POLG: variants seen among roughly 807,000 people sequenced by gnomAD.
POLG encodes the protein DNA polymerase gamma, catalytic subunit, also known as DNA polymerase subunit gamma-1.
A neutral mutation model predicts 155.4 loss-of-function variants in POLG; 110 were observed. The observed-to-expected ratio is 0.71, with a 90% CI of 0.61 to 0.83. The LOEUF (loss-of-function observed/expected upper bound fraction) is 0.83. POLG is among the 40% of genes least tolerant of loss of function. The pLI is 0.00. For synonymous variants in POLG, 701 were observed against 631.5 expected (o/e 1.11, Z -1.65); for missense variants, 1,685 against 1,627.5 (o/e 1.04, Z -0.61).
intron 6 of POLG, 84 bp downstream of exon 6, chr15:89,328,372 A>G (rs1035566062): frequency 5.6e-6 from 6 of 1,068,030 alleles, no homozygotes; most frequent in South Asian, 5.3e-5. Flanking sequence ...AACCTGAGAT[A>G]GAACCAGCGC....
rs1174759182 is a variant in POLG at position 89,321,736 on chromosome 15, C to T, written c.2598G>A (p.Arg866=). 1.2e-6 allele frequency: 2 copies of T among 1,607,936 alleles called. No homozygotes were observed. The highest frequency in any genetic ancestry group is 1.7e-6 in the Non-Finnish European group (2 of 1,174,676). Residue 866 remains arginine, a splice_region_variant and synonymous_variant, in exon 16 of 23, where the codon CGG becomes CGA. Transcript: ENST00000268124. ...EPTWLTASNA[R]PDRVGSELKA... is the part of the protein sequence containing the mutation. ...GGCCAGAGGTACAGAGGTCACATAC[C>T]CGGGCATTGCTGGCGGTGAGCCATG...
chr15:89,327,049 G>A lies in POLG; in HGVS notation c.1448C>T (p.Pro483Leu), dbSNP rs767900699. 3 of 1,614,094 alleles carry A rather than the reference G, an allele frequency of 1.9e-6. No individual in the cohort carries two copies. The highest frequency in any genetic ancestry group is 1.3e-5 in the African/African-American group (1 of 74,926). ...LLSGERYKED[P>L]WLWDLEWDLQ... ...GTCCCACTCCAGGTCCCAGAGCCAG[G>A]GGTCTTCTTTGTACCTACAGAGCCA... Residue 483 changes from proline to leucine, a missense_variant, in exon 8 of 23, where the codon CCC (proline) becomes CTC (leucine). By Grantham distance (98) the Pro-to-Leu change is moderately conservative. This residue lies in a region of POLG where 1,210 missense variants were observed against 1,167.1 expected (regional missense o/e 1.04). Coordinates refer to ENST00000268124, the MANE Select transcript of POLG (RefSeq NM_002693.3).
intron 5 of POLG, 29 bp downstream of exon 5, chr15:89,328,656 T>C (rs1231885959): frequency 5.6e-6 from 9 of 1,613,566 alleles, no homozygotes; most frequent in Non-Finnish European, 6.8e-6. Flanking sequence ...CCACAGCCCA[T>C]GTCCCCAGAG....
chr15:89,325,237 AGT>A lies in POLG; in HGVS notation c.1949+211_1949+212del, dbSNP rs1293123067. Among the ~76,000 whole-genome samples, 16 of 106,016 alleles carry A rather than the reference AGT, an allele frequency of 1.5e-4. 3 individuals carry two copies. Among genetic ancestry groups the A allele is most frequent in the Admixed American group, 2.6e-4 (3 of 11,598 alleles). The allele number at this position is 106,016 out of a possible 152,430, so 69.6% of individuals were successfully genotyped here. A position where few individuals can be genotyped will look rare whatever the true frequency, so the allele number is the denominator to read the frequency against. On this transcript the variant is annotated intron_variant, in intron 10 of 22. Transcript: ENST00000268124. ...GAGTGAGTGAGAGAGTGAGTGAGAG[AGT>A]GAGTGAGTGAGAGAGAGAGTGAGTG...
chr15:89,318,404 G>T (rs1015166371), intron 21 of POLG, 137 bp downstream of exon 21: 21 of 685,566 alleles, frequency 3.1e-5, no homozygotes, highest in Admixed American at 1.1e-4. Flanking sequence ...TTAAAAATTA[G>T]AAATAAATAA....
Position 89,316,658 on chromosome 15 carries a change from T to C in POLG, c.*93A>G. On this transcript the variant is annotated 3_prime_UTR_variant, in exon 23 of 23. Coordinates refer to ENST00000268124, the MANE Select transcript of POLG (RefSeq NM_002693.3). ...AAAATGGCTGGCCTTAGGCAAGCCC[T>C]TTTGCAAAAAGCACAGCTGAAAGCC... 8.0e-7 allele frequency: 1 copy of C among 1,244,410 alleles called. No homozygotes were observed. Among genetic ancestry groups the C allele is most frequent in the Non-Finnish European group, 1.2e-6 (1 of 846,822 alleles). The allele number at this position is 1,244,410 out of a possible 1,614,324, so 77.1% of individuals were successfully genotyped here.
chr15:89,325,560 G>C lies in POLG; in HGVS notation c.1839C>G (p.His613Gln), dbSNP rs2055504674. Residue 613 changes from histidine to glutamine, a missense_variant, in exon 10 of 23, where the codon CAC (histidine) becomes CAG (glutamine). His to Gln is a conservative substitution (Grantham distance 24). Coordinates refer to ENST00000268124, the MANE Select transcript of POLG (RefSeq NM_002693.3). ...AGCCCCAGCCATGACGCTCTGAGTA[G>C]TGCAGAGGGAAGCCATCCCAGGTAA... is the stretch of plus-strand genomic sequence containing the variant. ...MALTWDGFPL[H>Q]YSERHGWGYL... 3 of 1,613,672 alleles carry C rather than the reference G, an allele frequency of 1.9e-6. No homozygotes were observed. The highest frequency in any genetic ancestry group is 3.3e-5 in the Admixed American group (2 of 60,032).
chr15:89,321,805 T>A lies in POLG; in HGVS notation c.2529A>T (p.Gln843His). 6.2e-7 allele frequency: 1 copy of A among 1,614,136 alleles called. No individual in the cohort carries two copies. Among genetic ancestry groups the A allele is most frequent in the South Asian group, 1.1e-5 (1 of 91,078 alleles). Residue 843 changes from glutamine (Q) to histidine (H), a missense_variant, in exon 16 of 23, where the codon CAA becomes CAT. Physicochemically the swap from Gln to His is conservative, Grantham distance 24. Coordinates refer to ENST00000268124, the MANE Select transcript of POLG (RefSeq NM_002693.3). Reference protein sequence around the residue: ...EEGLYGAILPQVVTAGTITRR... With the variant: ...EEGLYGAILPHVVTAGTITRR... Reference sequence around the variant, plus strand: ...GAGTGATGGTGCCGGCAGTCACCACTTGGGGCAGGATGGCCCCATAGAGGC... The same window carrying A: ...GAGTGATGGTGCCGGCAGTCACCACATGGGGCAGGATGGCCCCATAGAGGC...
chr15:89,323,032 G>C, intron 13 of POLG, 130 bp from the exon 14 acceptor site: 1 of 932,396 alleles, frequency 1.1e-6, no homozygotes, highest in Non-Finnish European at 1.6e-6. Context: ...ATCCCTGATT[G>C]TATCACGCAC....
Position 89,326,703 on chromosome 15 carries a change from G to C in POLG, c.1621C>G (p.Gln541Glu), listed in dbSNP as rs2055523444. 3 of 1,614,154 alleles carry C rather than the reference G, an allele frequency of 1.9e-6. No individual in the cohort carries two copies. The East Asian group carries it at 6.7e-5, about 36-fold the overall frequency. ...AAGCAGGCGCGGGCCATGACATCTTGTTGAAACTCCTCCTCCTCACTGCAG... is the reference window on the plus strand; with the variant it reads ...AAGCAGGCGCGGGCCATGACATCTTCTTGAAACTCCTCCTCCTCACTGCAG... Reference protein sequence around the residue: ...GPCSEEEEFQQDVMARACLQK... With the variant: ...GPCSEEEEFQEDVMARACLQK... Residue 541 changes from glutamine (Q) to glutamate (E), a missense_variant, in exon 9 of 23, where the codon CAA becomes GAA. Gln to Glu is a conservative substitution (Grantham distance 29). Coordinates refer to ENST00000268124, the MANE Select transcript of POLG (RefSeq NM_002693.3).
Position 89,316,651 on chromosome 15 carries a change from C to CA in POLG, c.*99dup. 8.3e-7 allele frequency: 1 copy of CA among 1,210,186 alleles called. No individual in the cohort carries two copies. Among genetic ancestry groups the CA allele is most frequent in the East Asian group, 2.3e-5 (1 of 42,982 alleles). 75.0% of individuals were successfully genotyped at this position (1,210,186 alleles called of 1,614,324 possible). On this transcript the variant is annotated 3_prime_UTR_variant, in exon 23 of 23. Transcript: ENST00000268124. ...CTACTGAAAAATGGCTGGCCTTAGG[C>CA]AAGCCCTTTTGCAAAAAGCACAGCT...
chr15:89,333,379 G>T lies in POLG; in HGVS notation c.376C>A (p.Arg126Ser). Residue 126 changes from arginine to serine, a missense_variant, in exon 2 of 23, where the codon CGC becomes AGC. Physicochemically the swap from Arg to Ser is moderately radical, Grantham distance 110. This residue lies in a region of POLG where 1,210 missense variants were observed against 1,167.1 expected (regional missense o/e 1.04). Coordinates refer to ENST00000268124, the MANE Select transcript of POLG (RefSeq NM_002693.3). Reference protein sequence around the residue: ...PAVPLPDVELRLPPLYGDNLD... With the variant: ...PAVPLPDVELSLPPLYGDNLD... ...TTGTCCCCGTAGAGGGGCGGCAGGC[G>T]CAGCTCCACGTCGGGCAAGGGCACG... is the stretch of plus-strand genomic sequence containing the variant. 1 of 1,581,500 alleles carries T rather than the reference G, an allele frequency of 6.3e-7. No homozygotes were observed. Among genetic ancestry groups the T allele is most frequent in the Non-Finnish European group, 8.6e-7 (1 of 1,167,050 alleles).
intron 10 of POLG, among the ~76,000 whole-genome samples, chr15:89,325,109 A>AGT (rs2055469905): frequency 2.5e-5 from 1 of 40,786 alleles, no homozygotes; most frequent in African/African-American, 1.5e-4. Flanking sequence ...AGAGAGTGAG[A>AGT]GAGAGTGAGT....
intron 20 of POLG, 69 bp downstream of exon 20, chr15:89,318,861 AG>A (rs2055349047): frequency 6.3e-7 from 1 of 1,580,942 alleles, no homozygotes; most frequent in African/African-American, 1.3e-5. Flanking sequence ...AACATTGGTA[AG>A]GTCCACAGGG....
In POLG at chr15:89,330,102, G is replaced by A. The variant is rs755989937; in HGVS notation, c.834C>T (p.Ile278=). The change falls in exon 3 of 23, where the codon ATC becomes ATT. Residue 278 remains isoleucine, a synonymous_variant. Transcript: ENST00000268124. The part of the protein sequence containing the change: ...GHNVSFDRAH[I]REQYLIQGSR... ...TTACCTGGATCAGGTACTGCTCCCT[G>A]ATATGAGCTCGGTCAAAGGAAACAT... 1 of 1,614,112 alleles carries A rather than the reference G, an allele frequency of 6.2e-7. No individual in the cohort carries two copies. The highest frequency in any genetic ancestry group is 2.2e-5 in the East Asian group (1 of 44,888).
chr15:89,324,253 A>C (rs1324725311), intron 10 of POLG, 26 bp from the exon 11 acceptor site: 1 of 1,609,492 alleles, frequency 6.2e-7, no homozygotes, highest in African/African-American at 1.3e-5. Context: ...TAGCAGCAGC[A>C]GCCGCTGATT....
chr15:89,333,239 C>T lies in POLG; in HGVS notation c.516G>A (p.Ala172=), dbSNP rs1028326668. The part of the protein sequence containing the change: ...LPPKPPAWAW[A]EGWTRYGPEG... ...CGGGGCCGTACCGGGTCCAGCCCTCCGCCCAGGCCCAAGCCGGGGGCTTCG... is the reference window on the plus strand; with the variant it reads ...CGGGGCCGTACCGGGTCCAGCCCTCTGCCCAGGCCCAAGCCGGGGGCTTCG... The change falls in exon 2 of 23, where the codon GCG becomes GCA. Residue 172 remains alanine (A), a synonymous_variant. Transcript: ENST00000268124. 9 of 1,576,690 alleles carry T rather than the reference C, an allele frequency of 5.7e-6. No homozygotes were observed. The highest frequency in any genetic ancestry group is 2.3e-5 in the East Asian group (1 of 43,474).
intron 21 of POLG, chr15:89,318,001 G>A: frequency 3.3e-6 from 1 of 299,398 alleles, no homozygotes; most frequent in Non-Finnish European, 6.5e-6. Flanking sequence ...ACATGGAACG[G>A]TAATATTTAA....
At chr15:89,323,244 A>G (rs1014803328) in intron 13 of POLG, among the ~76,000 whole-genome samples, 160 bp downstream of exon 13, 2 of 152,222 alleles carry the variant, frequency 1.3e-5, no homozygotes, top group African/African-American at 4.8e-5. Flanking sequence ...TAGAAAAACA[A>G]AAGCTGAGAG....
Sources: gnomAD v4.1 joint callset for allele counts (sites outside exome capture counted in the v4.1 genomes callset) on GRCh38, gnomAD v4.1.1 for gene constraint, gnomAD v4.1.1 regional missense constraint, MANE v1.5 for transcripts, NCBI Gene and HGNC (gene_info 2026-07-23, HGNC 2026-07-21) for gene names.